ARHGEF3: variants seen among roughly 807,000 people sequenced by gnomAD.
ARHGEF3 encodes Rho guanine nucleotide exchange factor 3, also known as 59.8 kDA protein.
Under a neutral mutation model 63.2 loss-of-function variants are expected in ARHGEF3, and 28 were observed. The observed-to-expected ratio is 0.44, with a 90% CI of 0.33 to 0.61. The LOEUF (loss-of-function observed/expected upper bound fraction) is 0.61. ARHGEF3 is among the 20% of genes least tolerant of loss of function. The pLI is 0.03. For missense variants in ARHGEF3, 533 were observed against 659.3 expected (o/e 0.81, Z 2.10); for synonymous variants, 266 against 254.2 (o/e 1.05, Z -0.44).
At chr3:56,936,556 G>A (rs943137110) in intron 3 of ARHGEF3, among the ~76,000 whole-genome samples, 6 of 152,042 alleles carry the variant, frequency 3.9e-5, no homozygotes, top group African/African-American at 1.2e-4. Context: ...GCAAGTAACC[G>A]GCATCCCTTA....
At chr3:57,061,306 T>TA (rs200113599) in intron 1 of ARHGEF3, among the ~76,000 whole-genome samples, 9 of 151,374 alleles carry the variant, frequency 5.9e-5, no homozygotes, top group Non-Finnish European at 1.2e-4. Flanking sequence ...TTATTATTAT[T>TA]TTTTTTTTTG....
intron 3 of ARHGEF3, chr3:56,940,765 G>C (rs965523763): frequency 1.3e-5 from 2 of 152,078 alleles, no homozygotes; most frequent in Admixed American, 6.6e-5. Flanking sequence ...AGGAACCCTA[G>C]TTATATGGAG....
chr3:56,993,328 C>G (rs1156717747), intron 2 of ARHGEF3, among the ~76,000 whole-genome samples: 1 of 152,140 alleles, frequency 6.6e-6, no homozygotes, highest in African/African-American at 2.4e-5. Flanking sequence ...AGACCCCAAC[C>G]AGAGGCTGAT....
At chr3:56,810,120 G>A (rs2038012603) in intron 4 of ARHGEF3, among the ~76,000 whole-genome samples, 1 of 152,148 alleles carries the variant, frequency 6.6e-6, no homozygotes, top group Non-Finnish European at 1.5e-5. Context: ...AGAGAAATTA[G>A]AACCTAAAAT....
chr3:56,996,653 T>G (rs910971107), intron 2 of ARHGEF3, among the ~76,000 whole-genome samples: 2 of 152,196 alleles, frequency 1.3e-5, no homozygotes, highest in African/African-American at 2.4e-5. Context: ...AATAAATTTC[T>G]GTTGTTTATA....
At chr3:56,904,594 GT>G (rs2041627422) in intron 3 of ARHGEF3, among the ~76,000 whole-genome samples, 1 of 152,124 alleles carries the variant, frequency 6.6e-6, no homozygotes, top group Admixed American at 6.5e-5. Context: ...ATTGTTCTCT[GT>G]TTTGACTACT....
At chr3:56,895,925 A>T (rs762544456) in intron 3 of ARHGEF3, among the ~76,000 whole-genome samples, 1 of 152,194 alleles carries the variant, frequency 6.6e-6, no homozygotes, top group Admixed American at 6.5e-5. Flanking sequence ...TTTTTGATTA[A>T]ATAATTCTGA....
intron 1 of ARHGEF3, among the ~76,000 whole-genome samples, chr3:56,787,516 A>C (rs6776400): frequency 0.67 from 101,099 of 151,834 alleles, 34,771 homozygotes; most frequent in East Asian, 0.93. Context: ...TGGAGTCACA[A>C]ACGCTCTCAT....
chr3:57,030,029 C>T (rs1703666495), intron 2 of ARHGEF3, among the ~76,000 whole-genome samples: 1 of 152,154 alleles, frequency 6.6e-6, no homozygotes, highest in Admixed American at 6.5e-5. Flanking sequence ...AAGAGAGCAG[C>T]TAAGAGCAAG....
At chr3:56,798,618 T>A (rs930527074) in intron 1 of ARHGEF3, among the ~76,000 whole-genome samples, 4 of 150,356 alleles carry the variant, frequency 2.7e-5, no homozygotes, top group African/African-American at 2.5e-5. Flanking sequence ...TAACTTACAA[T>A]CAGGATAATT....
rs567175919 is a variant in ARHGEF3, at chr3:57,063,070, G to A, written c.-28+16156C>T. Reference sequence around the variant, plus strand: ...GATGCAGTGGTAACGGTTTAGACACGATGACCAGGGAAGGCTGAAGGAAAT... The same window carrying A: ...GATGCAGTGGTAACGGTTTAGACACAATGACCAGGGAAGGCTGAAGGAAAT... On this transcript the variant is annotated intron_variant, in intron 1 of 12. Coordinates refer to the ARHGEF3 transcript ENST00000338458. Among the ~76,000 whole-genome samples, 346 of 152,344 alleles carry A rather than the reference G, an allele frequency of 2.3e-3. 5 individuals are homozygous for A. The highest frequency in any genetic ancestry group is 4.0e-3 in the Non-Finnish European group (272 of 68,036).
chr3:56,881,213 AC>A (rs2040753206), intron 4 of ARHGEF3, among the ~76,000 whole-genome samples: 1 of 152,220 alleles, frequency 6.6e-6, no homozygotes, highest in Admixed American at 6.5e-5. Context: ...CGTCCAAGGT[AC>A]ACTGTTAATT....
chr3:56,941,400 G>A (rs1040586831), intron 3 of ARHGEF3, among the ~76,000 whole-genome samples: 2 of 152,206 alleles, frequency 1.3e-5, no homozygotes, highest in African/African-American at 4.8e-5. Flanking sequence ...TAGAGACAGG[G>A]TTTTGCCATG....
Position 56,855,164 on chromosome 3 carries a change from G to A in ARHGEF3, c.192+27128C>T, listed in dbSNP as rs145544152. Among the ~76,000 whole-genome samples the A allele has an allele frequency of 6.9e-3, 1,051 of 152,106 alleles. 17 individuals are homozygous for A. Among genetic ancestry groups the A allele is most frequent in the African/African-American group, 0.015 (615 of 41,510 alleles). ...GTGGGTGGAGAGGAGGGAGAGAGGTGAGGGGCAGGAGGGAGGGGTGCCTGC... is the reference window on the plus strand; with the variant it reads ...GTGGGTGGAGAGGAGGGAGAGAGGTAAGGGGCAGGAGGGAGGGGTGCCTGC... On this transcript the variant is annotated intron_variant, in intron 4 of 12. Coordinates refer to the ARHGEF3 transcript ENST00000338458.
At chr3:56,869,854 T>TA (rs2040379035) in intron 4 of ARHGEF3, among the ~76,000 whole-genome samples, 1 of 152,176 alleles carries the variant, frequency 6.6e-6, no homozygotes, top group Non-Finnish European at 1.5e-5. Context: ...AGTGACTTCT[T>TA]ACAGCAAAAA....
intron 4 of ARHGEF3, among the ~76,000 whole-genome samples, chr3:56,856,023 C>G (rs891025599): frequency 2.0e-5 from 3 of 152,162 alleles, no homozygotes; most frequent in African/African-American, 7.2e-5. Flanking sequence ...GTTTTACTCT[C>G]AAAGGAGCAG....
intron 2 of ARHGEF3, among the ~76,000 whole-genome samples, chr3:56,757,213 C>T (rs9874011): frequency 0.23 from 35,594 of 152,120 alleles, 5,279 homozygotes; most frequent in East Asian, 0.41. Flanking sequence ...TGGCTCACGC[C>T]TGTAATCCCA....
chr3:56,796,125 A>G (rs1251468397), intron 1 of ARHGEF3, among the ~76,000 whole-genome samples: 2 of 152,226 alleles, frequency 1.3e-5, no homozygotes, highest in Non-Finnish European at 2.9e-5. Context: ...AAATTATGGA[A>G]GGCAACTGCA....
intron 3 of ARHGEF3, among the ~76,000 whole-genome samples, chr3:56,901,901 AC>A (rs2041522711): frequency 6.6e-6 from 1 of 152,048 alleles, no homozygotes; most frequent in South Asian, 2.1e-4. Context: ...GTAGCATTGA[AC>A]TCATGGCCAA....
Sources: allele counts gnomAD v4.1 joint callset (sites outside exome capture counted in the v4.1 genomes callset), GRCh38; gene constraint gnomAD v4.1.1; transcripts MANE v1.5; gene names NCBI Gene and HGNC (gene_info 2026-07-23, HGNC 2026-07-21).